Variants in ANO2 observed in about 807,000 individuals in gnomAD.
ANO2 encodes the protein anoctamin-2.
A neutral mutation model predicts 124.2 loss-of-function variants in ANO2; 101 were observed. The observed-to-expected ratio is 0.81, with a 90% CI of 0.69 to 0.96. The LOEUF (loss-of-function observed/expected upper bound fraction) is 0.96. Among genes scored for constraint, ANO2 ranks in the 40% least tolerant of loss-of-function variants. The probability of loss-of-function intolerance (pLI) is 0.00; values close to 1 mark genes in which losing one functional copy is unlikely to be tolerated. For synonymous variants in ANO2, 486 were observed against 482.5 expected, an observed-to-expected ratio of 1.01 and a Z score of -0.09; for missense variants, 1,293 against 1,274.5, an observed-to-expected ratio of 1.01 and a Z score of -0.22.
At chr12:5,715,249 A>C (rs1949980260) in intron 14 of ANO2, among the ~76,000 whole-genome samples, 1 of 152,174 alleles carries the variant, frequency 6.6e-6, no homozygotes, top group Admixed American at 6.5e-5. Context: ...TCAATCATTT[A>C]CCAACCGGGA....
At chr12:5,595,871 C>T (rs1943634891) in intron 20 of ANO2, among the ~76,000 whole-genome samples, 1 of 152,168 alleles carries the variant, frequency 6.6e-6, no homozygotes, top group Non-Finnish European at 1.5e-5. Context: ...CCCAAGCTTC[C>T]TATACACTGA....
chr12:5,876,345 GATGTGGAGAAATATGA>G (rs1938101586), intron 3 of ANO2, among the ~76,000 whole-genome samples: 1 of 152,310 alleles, frequency 6.6e-6, no homozygotes, highest in African/African-American at 2.4e-5. Flanking sequence ...AATTCCAACA[GATGTGGAGAAATATGA>G]ATGCTTTTAC....
intron 15 of ANO2, among the ~76,000 whole-genome samples, chr12:5,638,457 G>A (rs77950522): frequency 1.1e-4 from 9 of 84,054 alleles, no homozygotes; most frequent in Admixed American, 6.1e-4. Flanking sequence ...GGATGGTCTC[G>A]ATCTCCTGAC....
At chr12:5,826,888 T>C (rs1187938123) in intron 7 of ANO2, among the ~76,000 whole-genome samples, 1 of 152,132 alleles carries the variant, frequency 6.6e-6, no homozygotes, top group Non-Finnish European at 1.5e-5. Flanking sequence ...GACTCTGAAC[T>C]CTTTTCAACC....
rs1948461791 is a variant in ANO2, at chr12:5,680,943, C to T, written c.1546-33142G>A. 3.3e-5 allele frequency among the ~76,000 whole-genome samples: 5 copies of T among 152,272 alleles called. No individual in the cohort carries two copies. In the South Asian group the frequency reaches 1.0e-3, roughly 32 times the overall value. ...AAGAACCAGCCTCTGCATGACAGAC[C>T]TGTTGTACAGGGAAGAGCAGAAGAG... On this transcript the variant is annotated intron_variant, in intron 14 of 24. Transcript: ENST00000682330.
intron 14 of ANO2, among the ~76,000 whole-genome samples, chr12:5,721,662 T>C (rs957471006): frequency 1.3e-4 from 20 of 152,204 alleles, no homozygotes; most frequent in Admixed American, 7.9e-4. Context: ...CATGCCACCA[T>C]GCATAGCTAT....
At chr12:5,681,345 G>C (rs555623963) in intron 14 of ANO2, among the ~76,000 whole-genome samples, 4 of 152,160 alleles carry the variant, frequency 2.6e-5, no homozygotes, top group Non-Finnish European at 5.9e-5. Context: ...CATTTTTTAT[G>C]AATCATGAAT....
intron 12 of ANO2, among the ~76,000 whole-genome samples, chr12:5,740,674 T>C (rs1255735369): frequency 6.6e-6 from 1 of 152,170 alleles, no homozygotes; most frequent in Non-Finnish European, 1.5e-5. Context: ...GAGCTGATTT[T>C]TGAAGGACAA....
In ANO2 at chr12:5,578,400, C is replaced by G; in HGVS notation, c.2352G>C (p.Leu784=). 1 of 1,613,988 alleles carries G rather than the reference C, an allele frequency of 6.2e-7. No homozygotes were observed. Among genetic ancestry groups the G allele is most frequent in the Non-Finnish European group, 8.5e-7 (1 of 1,179,870 alleles). The change falls in exon 21 of 25, where the codon CTG becomes CTC. Residue 784 remains leucine (L), a synonymous_variant. Coordinates refer to ENST00000682330, the MANE Select transcript of ANO2 (RefSeq NM_001364791.2). ...TGGTTCTTACAGCATCCGGCCGTCT[C>G]AGCTCTGTAACAAACTTCTTTGCAT... is the stretch of plus-strand genomic sequence containing the variant. ...RLDAKKFVTE[L]RRPDAVRTKD...
intron 14 of ANO2, among the ~76,000 whole-genome samples, chr12:5,723,015 G>C (rs1487788358): frequency 4.6e-5 from 7 of 152,220 alleles, no homozygotes; most frequent in Non-Finnish European, 1.5e-5. Flanking sequence ...TGTTTAGAAA[G>C]GGTCAGTCCC....
At chr12:5,719,077 G>C (rs1416883639) in intron 14 of ANO2, among the ~76,000 whole-genome samples, 1 of 152,204 alleles carries the variant, frequency 6.6e-6, no homozygotes, top group Non-Finnish European at 1.5e-5. Context: ...ATTGCTGATT[G>C]TCTGACTAGA....
intron 15 of ANO2, among the ~76,000 whole-genome samples, chr12:5,639,453 A>G (rs1032796986): frequency 1.1e-4 from 17 of 152,210 alleles, no homozygotes; most frequent in African/African-American, 4.1e-4. Context: ...GAAAACATAG[A>G]CAATAAACTA....
intron 19 of ANO2, among the ~76,000 whole-genome samples, chr12:5,606,709 T>C (rs1944237553): frequency 6.6e-6 from 1 of 152,208 alleles, no homozygotes; most frequent in Non-Finnish European, 1.5e-5. Flanking sequence ...AGAAGCCTGC[T>C]AGATTGTAAG....
chr12:5,930,403 G>T (rs1156723814), intron 1 of ANO2, among the ~76,000 whole-genome samples: 3 of 152,106 alleles, frequency 2.0e-5, no homozygotes, highest in African/African-American at 7.2e-5. Flanking sequence ...GGGGGTATAG[G>T]GGGAAGGCCA....
chr12:5,916,716 T>C (rs1204051283), intron 3 of ANO2, among the ~76,000 whole-genome samples: 1 of 114,772 alleles, frequency 8.7e-6, no homozygotes, highest in Non-Finnish European at 2.0e-5. Flanking sequence ...AAAGTCTTTT[T>C]TTTAATTTAA....
intron 4 of ANO2, among the ~76,000 whole-genome samples, chr12:5,841,248 T>C (rs1954504477): frequency 6.6e-6 from 1 of 152,166 alleles, no homozygotes; most frequent in South Asian, 2.1e-4. Flanking sequence ...CAAGGTCAGC[T>C]ACAACCTGGA....
At chr12:5,780,553 A>C (rs1952358780) in intron 10 of ANO2, among the ~76,000 whole-genome samples, 1 of 152,246 alleles carries the variant, frequency 6.6e-6, no homozygotes, top group Admixed American at 6.5e-5. Flanking sequence ...CTCTTAACAC[A>C]TTCAGTCATT....
intron 1 of ANO2, among the ~76,000 whole-genome samples, chr12:5,938,287 G>A (rs1942742290): frequency 6.6e-6 from 1 of 152,178 alleles, no homozygotes; most frequent in Non-Finnish European, 1.5e-5. Context: ...CCAGATCCCT[G>A]ACCCCTGGTA....
At chr12:5,751,348 A>G (rs560893939) in intron 10 of ANO2, among the ~76,000 whole-genome samples, 2 of 152,350 alleles carry the variant, frequency 1.3e-5, no homozygotes, top group South Asian at 4.1e-4. Context: ...CCCATAAGAA[A>G]ACACACCTTT....
Sources: gnomAD v4.1 joint callset for allele counts (sites outside exome capture counted in the v4.1 genomes callset) on GRCh38, gnomAD v4.1.1 for gene constraint, MANE v1.5 for transcripts, NCBI Gene and HGNC (gene_info 2026-07-23, HGNC 2026-07-21) for gene names.